Variants in NHS observed in about 807,000 individuals in gnomAD.
The protein encoded by NHS is NHS actin remodeling regulator, also known as actin remodeling regulator NHS.
In NHS, 5 loss-of-function variants were observed where a neutral mutation model predicts 72.5. The ratio of observed to expected loss-of-function variants is 0.07; its 90% CI spans 0.04 to 0.14. NHS has a LOEUF of 0.14. NHS is among the 10% of genes least tolerant of loss of function. The pLI is 1.00. For synonymous variants in NHS, 464 were observed against 547.7 expected (o/e 0.85, Z 2.13); for missense variants, 1,072 against 1,355.7 (o/e 0.79, Z 3.29).
In NHS at chrX:17,561,801, A is replaced by C. The variant is rs148913350; in HGVS notation, c.566-125941A>C. Among the ~76,000 whole-genome samples, 767 of 108,695 alleles carry C rather than the reference A, an allele frequency of 7.1e-3. 8 individuals carry two copies. The highest frequency in any genetic ancestry group is 0.011 in the Non-Finnish European group (555 of 52,533). 94.4% of individuals were successfully genotyped at this position (108,695 alleles called of 115,157 possible). A position where few individuals can be genotyped will look rare whatever the true frequency, so the allele number is the denominator to read the frequency against. ...GGAATAAACCCCAAGAACAGAAATC[A>C]TGATGCTAATCTCCCAAAATAGGGC... On this transcript the variant is annotated intron_variant, in intron 1 of 8. Coordinates refer to ENST00000676302, the MANE Select transcript of NHS (RefSeq NM_001291867.2).
chrX:17,731,224 CTTTTTTTTTTT>C (rs142686353), intron 8 of NHS, among the ~76,000 whole-genome samples: 2 of 34,845 alleles, frequency 5.7e-5, no homozygotes, highest in African/African-American at 1.2e-4. Context: ...TAGTTTCTTC[CTTTTTTTTTTT>C]TTTTTTTTTT....
chrX:17,649,694 C>G lies in NHS; in HGVS notation c.566-38048C>G, dbSNP rs1188494210. 4.5e-5 allele frequency among the ~76,000 whole-genome samples: 5 copies of G among 111,544 alleles called. No homozygotes were observed. The Admixed American group carries it at 4.8e-4, about 11-fold the overall frequency. On this transcript the variant is annotated intron_variant, in intron 1 of 8. Coordinates refer to ENST00000676302, the MANE Select transcript of NHS (RefSeq NM_001291867.2). ...ACAGGTCACAATAGAGTAGTTTATG[C>G]CAGATGGTTTGGAGAATTTTGAGGG...
chrX:17,515,546 G>T (rs1204917116), intron 1 of NHS, among the ~76,000 whole-genome samples: 1 of 112,307 alleles, frequency 8.9e-6, no homozygotes. Context: ...GTATATTATT[G>T]AAATGTTTTT....
At chrX:17,580,536 C>T (rs1030571589) in intron 1 of NHS, among the ~76,000 whole-genome samples, 2 of 112,136 alleles carry the variant, frequency 1.8e-5, no homozygotes, top group Non-Finnish European at 3.8e-5. Context: ...GCAGTCTAGC[C>T]GAACACTGAG....
chrX:17,508,590 C>A (rs1233473525), intron 1 of NHS, among the ~76,000 whole-genome samples: 1 of 111,514 alleles, frequency 9.0e-6, no homozygotes, highest in Non-Finnish European at 1.9e-5. Context: ...CCTGCCTCAG[C>A]CTCCCGAGTA....
chrX:17,615,216 G>GTA (rs1203089976), intron 1 of NHS, among the ~76,000 whole-genome samples: 16 of 86,350 alleles, frequency 1.9e-4, no homozygotes, highest in African/African-American at 6.3e-4. Context: ...ATATATATAC[G>GTA]TATATATACA....
chrX:17,520,297 T>C (rs1234834230), intron 1 of NHS, among the ~76,000 whole-genome samples: 1 of 112,246 alleles, frequency 8.9e-6, no homozygotes, highest in Non-Finnish European at 1.9e-5. Context: ...TTCTTTCTCC[T>C]GCAAACATGG....
intron 1 of NHS, among the ~76,000 whole-genome samples, chrX:17,454,657 T>C: frequency 8.9e-6 from 1 of 112,298 alleles, no homozygotes; most frequent in East Asian, 2.8e-4. Context: ...TCCACTTCAG[T>C]TTATTCATCT....
intron 1 of NHS, among the ~76,000 whole-genome samples, chrX:17,430,299 CTTTCTTTCTTTCTTTCCTTT>C (rs1328144732): frequency 1.5e-4 from 11 of 73,810 alleles, no homozygotes; most frequent in African/African-American, 5.6e-4. Context: ...TTCTTTCTTT[CTTTCTTTCTTTCTTTCCTTT>C]CTTTCTTTCT....
chrX:17,400,510 C>T (rs2064498068), intron 1 of NHS, among the ~76,000 whole-genome samples: 1 of 109,912 alleles, frequency 9.1e-6, no homozygotes, highest in South Asian at 4.0e-4. Context: ...CACTTGAACC[C>T]GGGAAGCAGA....
chrX:17,689,912 G>A (rs1030865784), intron 2 of NHS, among the ~76,000 whole-genome samples: 2 of 111,955 alleles, frequency 1.8e-5, no homozygotes, highest in Non-Finnish European at 3.8e-5. Context: ...CAAGCTGCTC[G>A]TAAACTATCA....
rs140990405 is a variant in NHS at position 17,649,956 on chromosome X, A to C, written c.566-37786A>C. ...TGGGATAGGTGAGAAGTAAAGCTCC[A>C]CCACATGCATAGCTCTGGAGGGGAC... is the stretch of plus-strand genomic sequence containing the variant. On this transcript the variant is annotated intron_variant, in intron 1 of 8. Coordinates refer to ENST00000676302, the MANE Select transcript of NHS (RefSeq NM_001291867.2). Among the ~76,000 whole-genome samples, 237 of 112,150 alleles carry C rather than the reference A, an allele frequency of 2.1e-3. 1 individual carries two copies. The Middle Eastern group carries it at 0.028, about 13-fold the overall frequency.
chrX:17,483,188 G>A (rs1007307240), intron 1 of NHS, among the ~76,000 whole-genome samples: 5 of 112,117 alleles, frequency 4.5e-5, no homozygotes, highest in Non-Finnish European at 9.4e-5. Flanking sequence ...TTCTTAATGC[G>A]TAAAGTATAA....
rs748688016 is a variant in NHS, at chrX:17,538,791, G to A, written c.566-148951G>A. On this transcript the variant is annotated intron_variant, in intron 1 of 8. Coordinates refer to ENST00000676302, the MANE Select transcript of NHS (RefSeq NM_001291867.2). ...CTGGGTGCCCAATGTTGCACAGACAGATCAAAACCGCTTTTCTTTGCTCTT... is the reference window on the plus strand; with the variant it reads ...CTGGGTGCCCAATGTTGCACAGACAAATCAAAACCGCTTTTCTTTGCTCTT... Among the ~76,000 whole-genome samples the A allele has an allele frequency of 6.5e-4, 73 of 112,113 alleles. 1 individual carries two copies. The highest frequency in any genetic ancestry group is 2.2e-3 in the South Asian group (6 of 2,669).
At chrX:17,389,947 A>C (rs760669628) in intron 1 of NHS, among the ~76,000 whole-genome samples, 2 of 110,059 alleles carry the variant, frequency 1.8e-5, no homozygotes, top group South Asian at 7.5e-4. Flanking sequence ...ATTTTTAAAA[A>C]AAATGAAAAA....
At chrX:17,560,506 A>G (rs761739566) in intron 1 of NHS, among the ~76,000 whole-genome samples, 6 of 112,584 alleles carry the variant, frequency 5.3e-5, no homozygotes, top group Non-Finnish European at 7.5e-5. Context: ...CTCTCTGTGT[A>G]TGGGAGACCA....
chrX:17,450,422 T>A (rs1250473169), intron 1 of NHS, among the ~76,000 whole-genome samples: 2 of 111,967 alleles, frequency 1.8e-5, no homozygotes, highest in African/African-American at 3.3e-5. Flanking sequence ...CCTCACCAAC[T>A]CTGGAAGCTG....
At chrX:17,689,562 C>T (rs1485356417) in intron 2 of NHS, among the ~76,000 whole-genome samples, 6 of 112,041 alleles carry the variant, frequency 5.4e-5, no homozygotes, top group African/African-American at 2.0e-4. Context: ...GCCTGTTTTA[C>T]CAACCAACCA....
Position 17,618,185 on chromosome X carries a change from T to C in NHS, c.566-69557T>C, listed in dbSNP as rs2065755632. 2.7e-5 allele frequency among the ~76,000 whole-genome samples: 3 copies of C among 112,365 alleles called. No homozygotes were observed. The South Asian group carries it at 1.1e-3, about 41-fold the overall frequency. ...CATATTTCTTGCCCTTGGAACTATC[T>C]GTTTTTTGGCTTTGTTTAGGGATTG... is the stretch of plus-strand genomic sequence containing the variant. On this transcript the variant is annotated intron_variant, in intron 1 of 8. Transcript: ENST00000676302.
Sources: gnomAD v4.1 joint callset for allele counts (sites outside exome capture counted in the v4.1 genomes callset) on GRCh38, gnomAD v4.1.1 for gene constraint, MANE v1.5 for transcripts, NCBI Gene and HGNC (gene_info 2026-07-23, HGNC 2026-07-21) for gene names.